The following GPM6A variants were observed in gnomAD, a reference collection of about 807,000 sequenced individuals.
The protein encoded by GPM6A is glycoprotein M6A.
GPM6A carries 7 observed loss-of-function variants against 32.1 expected under a neutral mutation model. The observed-to-expected ratio is 0.22, with a 90% CI of 0.12 to 0.41. The LOEUF (loss-of-function observed/expected upper bound fraction) is 0.41, where lower values mean the gene tolerates loss of function less well. Ranked by LOEUF, GPM6A falls within the 10% of genes least tolerant of loss-of-function variation. The probability of loss-of-function intolerance (pLI) is 1.00; values close to 1 mark genes in which losing one functional copy is unlikely to be tolerated. For synonymous variants in GPM6A, 130 were observed against 123.4 expected, an observed-to-expected ratio of 1.05 and a Z score of -0.35; for missense variants, 235 against 347.2, an observed-to-expected ratio of 0.68 and a Z score of 2.57.
chr4:175,850,448 G>A (rs921200702), intron 1 of GPM6A, among the ~76,000 whole-genome samples: 3 of 152,160 alleles, frequency 2.0e-5, no homozygotes, highest in African/African-American at 2.4e-5. Context: ...AAAGGATGAC[G>A]TCAGGAAAAA....
intron 1 of GPM6A, among the ~76,000 whole-genome samples, chr4:175,823,039 A>G (rs2111352536): frequency 6.6e-6 from 1 of 152,324 alleles, no homozygotes; most frequent in East Asian, 1.9e-4. Flanking sequence ...GGCGATTTTT[A>G]TAATTTTTTT....
intron 1 of GPM6A, among the ~76,000 whole-genome samples, chr4:175,808,043 G>A (rs1163945562): frequency 6.6e-6 from 1 of 152,154 alleles, no homozygotes; most frequent in African/African-American, 2.4e-5. Flanking sequence ...AGGCAGTATA[G>A]GTTGGCCAAT....
intron 1 of GPM6A, among the ~76,000 whole-genome samples, chr4:175,864,117 A>T (rs577421657): frequency 6.6e-6 from 1 of 152,250 alleles, no homozygotes; most frequent in Admixed American, 6.5e-5. Flanking sequence ...TGTGGTTTAC[A>T]TTTGCATTTC....
chr4:175,888,786 C>A (rs1481886586), intron 1 of GPM6A, among the ~76,000 whole-genome samples: 1 of 152,052 alleles, frequency 6.6e-6, no homozygotes. Flanking sequence ...CTAAATGCAA[C>A]ACTTACTGAA....
At chr4:175,877,174 TG>T (rs1280059472) in intron 1 of GPM6A, among the ~76,000 whole-genome samples, 1 of 152,178 alleles carries the variant, frequency 6.6e-6, no homozygotes, top group Non-Finnish European at 1.5e-5. Flanking sequence ...GATTCATGTG[TG>T]GGCACAGTGT....
intron 1 of GPM6A, among the ~76,000 whole-genome samples, chr4:175,801,359 T>G (rs544426647): frequency 1.2e-4 from 1 of 8,278 alleles, no homozygotes; most frequent in East Asian, 0.5. Context: ...TATTAATTAA[T>G]AGGTAATAAT....
intron 1 of GPM6A, among the ~76,000 whole-genome samples, chr4:175,836,151 C>T (rs895720962): frequency 6.6e-6 from 1 of 152,138 alleles, no homozygotes; most frequent in African/African-American, 2.4e-5. Context: ...CCCAATTATG[C>T]TCTGTTACTG....
chr4:176,001,586 T>C (rs1579701625), intron 1 of GPM6A, among the ~76,000 whole-genome samples: 1 of 152,160 alleles, frequency 6.6e-6, no homozygotes, highest in East Asian at 1.9e-4. Context: ...AAGCGGACCC[T>C]GCCTGGAAAC....
At position 175,709,098 on chromosome 4, in the gene GPM6A, T is replaced by C. The variant is rs1051733134; in HGVS notation, c.38-7331A>G. Among the ~76,000 whole-genome samples, 9 of 152,342 alleles carry C rather than the reference T, an allele frequency of 5.9e-5. No individual in the cohort carries two copies. The Middle Eastern group carries it at 0.01, about 173-fold the overall frequency. On this transcript the variant is annotated intron_variant, in intron 1 of 6. Coordinates refer to ENST00000393658, the MANE Select transcript of GPM6A (RefSeq NM_201591.3). The stretch of plus-strand genomic sequence containing the variant: ...GCATACGTAAACTTAATAAAATATA[T>C]TCATTTTCTCATTAAGTTGTATATA...
At chr4:175,882,628 G>A (rs563801785) in intron 1 of GPM6A, among the ~76,000 whole-genome samples, 20 of 150,784 alleles carry the variant, frequency 1.3e-4, no homozygotes, top group South Asian at 1.1e-3. Flanking sequence ...TTTAGTTTTT[G>A]TCTTTCATAC....
At chr4:175,956,913 A>G (rs974607932) in intron 1 of GPM6A, among the ~76,000 whole-genome samples, 4 of 152,226 alleles carry the variant, frequency 2.6e-5, no homozygotes, top group Admixed American at 6.5e-5. Flanking sequence ...TATGTATTCT[A>G]GAGTACATAT....
At chr4:175,831,025 T>TA (rs1002352977) in intron 1 of GPM6A, among the ~76,000 whole-genome samples, 28 of 152,310 alleles carry the variant, frequency 1.8e-4, no homozygotes, top group African/African-American at 6.0e-4. Context: ...TTGTCTATTT[T>TA]AAAAAAATAC....
intron 1 of GPM6A, among the ~76,000 whole-genome samples, chr4:175,735,051 T>C (rs1288644345): frequency 1.3e-5 from 2 of 152,210 alleles, no homozygotes; most frequent in Non-Finnish European, 2.9e-5. Flanking sequence ...CAGTGCTTTA[T>C]ATTGTATATT....
At chr4:175,911,685 G>A (rs1448346286) in intron 1 of GPM6A, among the ~76,000 whole-genome samples, 1 of 152,172 alleles carries the variant, frequency 6.6e-6, no homozygotes, top group Non-Finnish European at 1.5e-5. Context: ...TATTCTGACA[G>A]CAGGGAAATT....
intron 1 of GPM6A, among the ~76,000 whole-genome samples, chr4:175,765,452 G>C (rs1363630618): frequency 2.0e-5 from 3 of 152,044 alleles, no homozygotes; most frequent in Non-Finnish European, 4.4e-5. Flanking sequence ...TTTGATATGT[G>C]GATATGACCT....
At position 175,657,665 on chromosome 4, in the gene GPM6A, G is replaced by C. The variant is rs568540248; in HGVS notation, c.388-5678C>G. On this transcript the variant is annotated intron_variant, in intron 3 of 6. Transcript: ENST00000393658. ...ACATGAGCCAGATATCTAAATCCGA[G>C]TGTCTCGAATTTGTCACTACTGAAC... is the stretch of plus-strand genomic sequence containing the variant. Among the ~76,000 whole-genome samples the C allele has an allele frequency of 1.1e-4, 17 of 152,272 alleles. No homozygotes were observed. The East Asian group carries it at 3.3e-3, about 29-fold the overall frequency.
intron 2 of GPM6A, among the ~76,000 whole-genome samples, chr4:175,674,561 G>A (rs2110987029): frequency 6.6e-6 from 1 of 152,216 alleles, no homozygotes; most frequent in South Asian, 2.1e-4. Context: ...TGTAACACTG[G>A]TTTTTAAAAC....
At chr4:175,687,248 C>A (rs1744033854) in intron 2 of GPM6A, among the ~76,000 whole-genome samples, 1 of 152,090 alleles carries the variant, frequency 6.6e-6, no homozygotes, top group Non-Finnish European at 1.5e-5. Context: ...CAAGTATAAG[C>A]ACAACGTGGT....
intron 1 of GPM6A, among the ~76,000 whole-genome samples, chr4:175,773,837 T>A (rs1733287172): frequency 6.6e-6 from 1 of 152,108 alleles, no homozygotes; most frequent in African/African-American, 2.4e-5. Context: ...ATATGCAAAG[T>A]CTTAAGAACA....
Sources: allele counts gnomAD v4.1 joint callset (sites outside exome capture counted in the v4.1 genomes callset), GRCh38; gene constraint gnomAD v4.1.1; transcripts MANE v1.5; gene names NCBI Gene and HGNC (gene_info 2026-07-23, HGNC 2026-07-21).